PCSK5: variants seen among roughly 807,000 people sequenced by gnomAD.
PCSK5 encodes proprotein convertase subtilisin/kexin type 5, also known as prohormone convertase 5.
PCSK5 carries 129 observed loss-of-function variants against 233.2 expected under a neutral mutation model. The observed-to-expected ratio is 0.55, with a 90% CI of 0.48 to 0.64. PCSK5 has a LOEUF of 0.64. Among genes scored for constraint, PCSK5 ranks in the 30% least tolerant of loss-of-function variants. The pLI is 0.00. For missense variants in PCSK5, 2,076 were observed against 2,430.1 expected (o/e 0.85, Z 3.06); for synonymous variants, 825 against 879.2 (o/e 0.94, Z 1.09).
chr9:76,347,779 A>C (rs904453247), intron 35 of PCSK5, among the ~76,000 whole-genome samples: 42 of 150,326 alleles, frequency 2.8e-4, no homozygotes, highest in Non-Finnish European at 4.9e-4. Context: ...AAAAAAAAAA[A>C]GAAAGAAAAT....
intron 18 of PCSK5, 119 bp from the exon 19 acceptor site, chr9:76,188,975 C>A: frequency 1.1e-6 from 1 of 874,646 alleles, no homozygotes; most frequent in Non-Finnish European, 1.7e-6. Context: ...CAAGAAAAAG[C>A]ATGAATATTA....
chr9:76,257,728 C>A (rs1827029830), intron 24 of PCSK5, among the ~76,000 whole-genome samples: 1 of 152,172 alleles, frequency 6.6e-6, no homozygotes, highest in African/African-American at 2.4e-5. Flanking sequence ...CACTGATCAC[C>A]CTTTGGCCAA....
chr9:76,020,370 T>A lies in PCSK5; in HGVS notation c.412-3368T>A, dbSNP rs117677657. ...CTTGAGGTATAGGAAACAACTACAT[T>A]AGAAACATATTTGGAAGCCTGGGCC... On this transcript the variant is annotated intron_variant, in intron 3 of 37. Coordinates refer to ENST00000674117, the MANE Select transcript of PCSK5 (RefSeq NM_001372043.1). 7.9e-4 allele frequency among the ~76,000 whole-genome samples: 120 copies of A among 152,322 alleles called. 4 individuals are homozygous for A. The East Asian group carries it at 0.023, about 29-fold the overall frequency.
In PCSK5 at chr9:76,154,003, A is replaced by G. The variant is rs150090047; in HGVS notation, c.1313-3042A>G. On this transcript the variant is annotated intron_variant, in intron 10 of 37. Transcript: ENST00000674117. ...GTCATTTTGAGTATGAAAATTGTATATAAAAAATTGTTAGTGCTTCCAAAC... is the reference window on the plus strand; with the variant it reads ...GTCATTTTGAGTATGAAAATTGTATGTAAAAAATTGTTAGTGCTTCCAAAC... Among the ~76,000 whole-genome samples, 649 of 152,318 alleles carry G rather than the reference A, an allele frequency of 4.3e-3. 6 individuals carry two copies. Among genetic ancestry groups the G allele is most frequent in the African/African-American group, 0.013 (537 of 41,572 alleles).
intron 35 of PCSK5, among the ~76,000 whole-genome samples, chr9:76,345,094 C>G (rs1004064381): frequency 2.0e-5 from 3 of 152,088 alleles, no homozygotes; most frequent in Non-Finnish European, 1.5e-5. Flanking sequence ...GAGAGTAGTA[C>G]CCAATAAGTA....
At chr9:75,952,761 CT>C (rs1156785577) in intron 2 of PCSK5, among the ~76,000 whole-genome samples, 3 of 152,126 alleles carry the variant, frequency 2.0e-5, no homozygotes, top group Non-Finnish European at 4.4e-5. Flanking sequence ...AGCATAATGC[CT>C]TTGAGATTTC....
chr9:75,923,167 A>G (rs1166015591), intron 1 of PCSK5, among the ~76,000 whole-genome samples: 2 of 152,214 alleles, frequency 1.3e-5, no homozygotes. Flanking sequence ...CCTGGTTTCA[A>G]ATCCTGGCTT....
intron 10 of PCSK5, among the ~76,000 whole-genome samples, chr9:76,139,243 T>C (rs1368391583): frequency 6.6e-6 from 1 of 152,102 alleles, no homozygotes. Context: ...AAATGAAAGG[T>C]TTTGAAATGT....
At chr9:75,985,487 G>A (rs571255981) in intron 2 of PCSK5, among the ~76,000 whole-genome samples, 64 of 151,912 alleles carry the variant, frequency 4.2e-4, no homozygotes, top group Admixed American at 4.1e-3. Flanking sequence ...TCCACCGCAC[G>A]GTGTTGTAGA....
intron 5 of PCSK5, among the ~76,000 whole-genome samples, chr9:76,064,973 C>T (rs190483846): frequency 1.8e-4 from 27 of 152,356 alleles, no homozygotes; most frequent in Admixed American, 1.4e-3. Flanking sequence ...AGGCATGGGC[C>T]ACTGCATCTG....
chr9:76,229,283 G>A (rs986562549), intron 21 of PCSK5, among the ~76,000 whole-genome samples: 2 of 152,312 alleles, frequency 1.3e-5, no homozygotes, highest in South Asian at 2.1e-4. Context: ...ATGTTTGGAC[G>A]TCTTTTGAAC....
At chr9:76,313,790 T>C (rs1397199769) in intron 30 of PCSK5, among the ~76,000 whole-genome samples, 2 of 152,162 alleles carry the variant, frequency 1.3e-5, no homozygotes, top group South Asian at 2.1e-4. Context: ...AAAGGCTTGA[T>C]GGTCCCTAGC....
chr9:75,978,180 T>C (rs562174887), intron 2 of PCSK5, among the ~76,000 whole-genome samples: 2 of 152,248 alleles, frequency 1.3e-5, no homozygotes, highest in African/African-American at 2.4e-5. Context: ...AAGGAGAAAA[T>C]TTAGACATCC....
intron 3 of PCSK5, among the ~76,000 whole-genome samples, chr9:75,986,471 A>C (rs547372482): frequency 3.5e-4 from 54 of 152,356 alleles, no homozygotes; most frequent in African/African-American, 1.3e-3. Flanking sequence ...GTTCCGACTC[A>C]CAGAAATTCT....
intron 15 of PCSK5, among the ~76,000 whole-genome samples, chr9:76,180,488 A>G (rs1823815257): frequency 6.6e-6 from 1 of 151,944 alleles, no homozygotes; most frequent in Admixed American, 6.6e-5. Flanking sequence ...ACTAAGGTGG[A>G]CCCTGTGCCT....
At chr9:76,239,962 C>T (rs184751714) in intron 23 of PCSK5, among the ~76,000 whole-genome samples, 361 of 152,200 alleles carry the variant, frequency 2.4e-3, no homozygotes, top group Non-Finnish European at 4.2e-3. Flanking sequence ...GAGGACCAGC[C>T]TAAAACCACT....
At chr9:76,315,928 GTT>G (rs71499141) in intron 30 of PCSK5, among the ~76,000 whole-genome samples, 992 of 91,698 alleles carry the variant, frequency 0.011, 4 homozygotes, top group African/African-American at 0.035. Context: ...CACTTCAAGG[GTT>G]TTTTTTTTTT....
At chr9:76,086,935 G>T (rs559134020) in intron 7 of PCSK5, among the ~76,000 whole-genome samples, 3 of 152,212 alleles carry the variant, frequency 2.0e-5, no homozygotes, top group South Asian at 4.2e-4. Flanking sequence ...ATATCTAAAG[G>T]TTCATCAAAA....
chr9:76,052,749 C>A (rs925792116), intron 5 of PCSK5, among the ~76,000 whole-genome samples: 65 of 152,194 alleles, frequency 4.3e-4, no homozygotes, highest in African/African-American at 1.5e-3. Flanking sequence ...AGCATTAACT[C>A]AGAAGTTCAC....
Sources: allele counts gnomAD v4.1 joint callset (sites outside exome capture counted in the v4.1 genomes callset), GRCh38; gene constraint gnomAD v4.1.1; transcripts MANE v1.5; gene names NCBI Gene and HGNC (gene_info 2026-07-23, HGNC 2026-07-21).